Variants in SNTG1 observed in about 807,000 individuals in gnomAD.
The protein encoded by SNTG1 is syntrophin gamma 1.
Under a neutral mutation model 74.7 loss-of-function variants are expected in SNTG1, and 39 were observed. The ratio of observed to expected loss-of-function variants is 0.52; its 90% CI spans 0.40 to 0.68. The LOEUF is 0.68. SNTG1 is among the 30% of genes least tolerant of loss of function. SNTG1 has a pLI of 0.00. For missense variants in SNTG1, 685 were observed against 609.5 expected (o/e 1.12, Z -1.30); for synonymous variants, 254 against 217.1 (o/e 1.17, Z -1.49).
At chr8:50,128,626 G>A (rs1039964208) in intron 1 of SNTG1, among the ~76,000 whole-genome samples, 2 of 152,032 alleles carry the variant, frequency 1.3e-5, no homozygotes, top group South Asian at 2.1e-4. Context: ...CTTTGAACAA[G>A]TTGAGCTTTT....
Position 50,546,737 on chromosome 8 carries a change from A to G in SNTG1, c.681-6313A>G, listed in dbSNP as rs188624453. Reference sequence around the variant, plus strand: ...TCATCATTTTTTATGGCTGCATAGTATTCCATGATGTATATGTGCTACATT... The same window carrying G: ...TCATCATTTTTTATGGCTGCATAGTGTTCCATGATGTATATGTGCTACATT... On this transcript the variant is annotated intron_variant, in intron 11 of 18. Coordinates refer to ENST00000642720, the MANE Select transcript of SNTG1 (RefSeq NM_018967.5). Among the ~76,000 whole-genome samples the G allele has an allele frequency of 6.8e-3, 1,029 of 152,142 alleles. 16 individuals carry two copies. Among genetic ancestry groups the G allele is most frequent in the African/African-American group, 0.024 (984 of 41,518 alleles).
At chr8:50,242,527 CA>C (rs773542089) in intron 2 of SNTG1, among the ~76,000 whole-genome samples, 8,074 of 30,852 alleles carry the variant, frequency 0.26, 345 homozygotes, top group Middle Eastern at 0.38. Flanking sequence ...GAATCCATCT[CA>C]AAAAAAAAAA....
chr8:50,148,924 T>A (rs2081968038), intron 1 of SNTG1, among the ~76,000 whole-genome samples: 1 of 152,228 alleles, frequency 6.6e-6, no homozygotes, highest in Admixed American at 6.5e-5. Flanking sequence ...AGTAATGGGA[T>A]GGCTGGGTGA....
intron 2 of SNTG1, among the ~76,000 whole-genome samples, chr8:50,188,826 A>C (rs2083470651): frequency 6.6e-6 from 1 of 152,078 alleles, no homozygotes; most frequent in Admixed American, 6.6e-5. Flanking sequence ...TAAGGCCTTG[A>C]TCCCAAATCC....
At chr8:50,434,800 A>G (rs2093283151) in intron 4 of SNTG1, among the ~76,000 whole-genome samples, 1 of 152,168 alleles carries the variant, frequency 6.6e-6, no homozygotes, top group Non-Finnish European at 1.5e-5. Flanking sequence ...TGTCAAAAAG[A>G]ACTATTAACA....
intron 15 of SNTG1, among the ~76,000 whole-genome samples, chr8:50,664,568 A>G (rs982550059): frequency 6.6e-6 from 1 of 152,098 alleles, no homozygotes; most frequent in Non-Finnish European, 1.5e-5. Context: ...ACCAGTGTCT[A>G]TGGGAAAAAG....
intron 13 of SNTG1, among the ~76,000 whole-genome samples, chr8:50,597,993 G>T (rs532251518): frequency 2.0e-4 from 31 of 151,268 alleles, no homozygotes; most frequent in Admixed American, 1.9e-3. Flanking sequence ...TCTTCACTTT[G>T]TTGGTTATTT....
intron 4 of SNTG1, among the ~76,000 whole-genome samples, chr8:50,429,536 GA>G (rs1418546990): frequency 6.6e-6 from 1 of 151,998 alleles, no homozygotes; most frequent in Non-Finnish European, 1.5e-5. Context: ...AACTCAGAAG[GA>G]AACATACATG....
chr8:50,035,156 G>A (rs1818046239), intron 1 of SNTG1, among the ~76,000 whole-genome samples: 1 of 152,120 alleles, frequency 6.6e-6, no homozygotes, highest in African/African-American at 2.4e-5. Flanking sequence ...CACCCTCATT[G>A]GAAGCCTCAC....
At chr8:50,168,688 G>T (rs1327250706) in intron 1 of SNTG1, among the ~76,000 whole-genome samples, 1 of 152,092 alleles carries the variant, frequency 6.6e-6, no homozygotes, top group African/African-American at 2.4e-5. Context: ...TACTATATTT[G>T]TATTTTATTC....
At chr8:50,079,474 G>T (rs531607165) in intron 1 of SNTG1, among the ~76,000 whole-genome samples, 1 of 151,792 alleles carries the variant, frequency 6.6e-6, no homozygotes, top group African/African-American at 2.4e-5. Context: ...ACCTTTGTCA[G>T]ATGGGTAGAT....
At chr8:50,411,652 A>T (rs1371702694) in intron 4 of SNTG1, among the ~76,000 whole-genome samples, 1 of 152,022 alleles carries the variant, frequency 6.6e-6, no homozygotes, top group Non-Finnish European at 1.5e-5. Flanking sequence ...AGAGATTGTT[A>T]AATTGAAAAG....
At chr8:50,637,674 T>G (rs968855044) in intron 13 of SNTG1, among the ~76,000 whole-genome samples, 2 of 152,142 alleles carry the variant, frequency 1.3e-5, no homozygotes, top group Non-Finnish European at 2.9e-5. Flanking sequence ...ATTATCTTAT[T>G]GATGAAGGAA....
At chr8:50,397,751 G>A (rs2092746245) in intron 3 of SNTG1, among the ~76,000 whole-genome samples, 1 of 152,160 alleles carries the variant, frequency 6.6e-6, no homozygotes, top group African/African-American at 2.4e-5. Context: ...AACTGGGGGT[G>A]GCATTCTTAA....
intron 12 of SNTG1, among the ~76,000 whole-genome samples, chr8:50,588,314 A>G (rs1483868145): frequency 6.6e-6 from 1 of 152,126 alleles, no homozygotes; most frequent in African/African-American, 2.4e-5. Flanking sequence ...TTAACAAGGA[A>G]TTATTTTGTA....
At chr8:50,701,588 C>A (rs2095423960) in intron 15 of SNTG1, among the ~76,000 whole-genome samples, 1 of 110,428 alleles carries the variant, frequency 9.1e-6, no homozygotes, top group African/African-American at 3.1e-5. Context: ...TTTTCTTCCT[C>A]TTCTTCTTCT....
At chr8:50,241,259 G>C (rs2086151038) in intron 2 of SNTG1, among the ~76,000 whole-genome samples, 1 of 152,158 alleles carries the variant, frequency 6.6e-6, no homozygotes, top group African/African-American at 2.4e-5. Context: ...TGATTTATGT[G>C]AACCTACATT....
intron 1 of SNTG1, among the ~76,000 whole-genome samples, chr8:49,999,705 T>C (rs939462709): frequency 3.9e-5 from 6 of 152,186 alleles, no homozygotes; most frequent in African/African-American, 1.4e-4. Flanking sequence ...TCACCTTCAC[T>C]GCCAGGGCTT....
intron 1 of SNTG1, among the ~76,000 whole-genome samples, chr8:50,165,556 G>A (rs1248860648): frequency 1.3e-5 from 2 of 152,176 alleles, no homozygotes; most frequent in Non-Finnish European, 2.9e-5. Context: ...TTTAAGTGAA[G>A]CAATTAAATT....
Sources: allele counts gnomAD v4.1 joint callset (sites outside exome capture counted in the v4.1 genomes callset), GRCh38; gene constraint gnomAD v4.1.1; transcripts MANE v1.5; gene names NCBI Gene and HGNC (gene_info 2026-07-23, HGNC 2026-07-21).